NCAM2: variants seen among roughly 807,000 people sequenced by gnomAD.
NCAM2 encodes neural cell adhesion molecule 2.
A neutral mutation model predicts 98.1 loss-of-function variants in NCAM2; 30 were observed. The observed-to-expected ratio is 0.31, with a 90% CI of 0.23 to 0.41. NCAM2 has a LOEUF of 0.41. Ranked by LOEUF, NCAM2 falls within the 10% of genes least tolerant of loss-of-function variation. The pLI, the probability that NCAM2 is intolerant of heterozygous loss-of-function variation, is 1.00. For missense variants in NCAM2, 867 were observed against 1,005.8 expected (o/e 0.86, Z 1.87); for synonymous variants, 368 against 342.4 (o/e 1.07, Z -0.83).
intron 4 of NCAM2, among the ~76,000 whole-genome samples, chr21:21,288,963 T>A (rs2073197359): frequency 6.6e-6 from 1 of 151,876 alleles, no homozygotes; most frequent in South Asian, 2.1e-4. Context: ...AGAAAGGAGA[T>A]CCGTATGCTA....
chr21:21,229,831 A>G (rs970318762), intron 1 of NCAM2, among the ~76,000 whole-genome samples: 8 of 151,412 alleles, frequency 5.3e-5, no homozygotes, highest in Admixed American at 4.0e-4. Context: ...CCAAAAATAT[A>G]TTAGCCATCT....
At chr21:21,283,266 C>A (rs2072989845) in intron 2 of NCAM2, among the ~76,000 whole-genome samples, 1 of 151,894 alleles carries the variant, frequency 6.6e-6, no homozygotes, top group African/African-American at 2.4e-5. Context: ...GAATAATTTT[C>A]TTCAAAGAGG....
intron 1 of NCAM2, among the ~76,000 whole-genome samples, chr21:21,254,947 CTATGTGTG>C (rs2071611727): frequency 7.6e-5 from 4 of 52,310 alleles, no homozygotes; most frequent in South Asian, 2.2e-3. Flanking sequence ...CATAGCATAT[CTATGTGTG>C]TGTGTGTGTG....
At position 21,534,672 on chromosome 21, in the gene NCAM2, T is replaced by C. The variant is rs1460400761; in HGVS notation, c.2402+16T>C. On this transcript the variant is annotated intron_variant, in intron 17 of 17. Coordinates refer to ENST00000400546, the MANE Select transcript of NCAM2 (RefSeq NM_004540.5). ...CAGAACCTGAGTATGTGGCTTGGAGTGCTCACTTATGTTCAAATGGGTATT... is the reference window on the plus strand; with the variant it reads ...CAGAACCTGAGTATGTGGCTTGGAGCGCTCACTTATGTTCAAATGGGTATT... The C allele has an allele frequency of 6.4e-7, 1 of 1,566,442 alleles. No individual in the cohort carries two copies. Among genetic ancestry groups the C allele is most frequent in the Admixed American group, 1.9e-5 (1 of 51,942 alleles).
At chr21:21,314,184 CTTGAGCAAT>C (rs1409648087) in intron 5 of NCAM2, among the ~76,000 whole-genome samples, 2 of 152,022 alleles carry the variant, frequency 1.3e-5, no homozygotes, top group East Asian at 3.9e-4. Flanking sequence ...TAGAAGGCGC[CTTGAGCAAT>C]TCTTTTGTAT....
chr21:21,367,003 G>T (rs1045657373), intron 8 of NCAM2, among the ~76,000 whole-genome samples: 2 of 151,992 alleles, frequency 1.3e-5, no homozygotes, highest in African/African-American at 4.8e-5. Context: ...GAGCAGTGTG[G>T]TTTAATAACA....
At chr21:21,081,666 C>T (rs3922478) in intron 1 of NCAM2, among the ~76,000 whole-genome samples, 3,769 of 151,438 alleles carry the variant, frequency 0.025, 146 homozygotes, top group African/African-American at 0.086. Flanking sequence ...CCAGGCGTGG[C>T]GGTGCGTGCC....
At chr21:21,323,743 C>T (rs1011945908) in intron 5 of NCAM2, among the ~76,000 whole-genome samples, 2 of 152,120 alleles carry the variant, frequency 1.3e-5, no homozygotes, top group African/African-American at 4.8e-5. Context: ...TTGAACAGTT[C>T]ATGAAAATCT....
intron 8 of NCAM2, among the ~76,000 whole-genome samples, chr21:21,352,368 T>A (rs2075365874): frequency 6.6e-6 from 1 of 152,122 alleles, no homozygotes; most frequent in Admixed American, 6.6e-5. Context: ...GCAGTCCACC[T>A]GCCTCAGACT....
chr21:21,328,424 TC>T (rs1004110073), intron 6 of NCAM2, among the ~76,000 whole-genome samples: 1 of 152,098 alleles, frequency 6.6e-6, no homozygotes, highest in Non-Finnish European at 1.5e-5. Flanking sequence ...TAGATAATAT[TC>T]CAGAAGAAAG....
At chr21:21,183,479 G>A (rs2068543570) in intron 1 of NCAM2, among the ~76,000 whole-genome samples, 1 of 152,098 alleles carries the variant, frequency 6.6e-6, no homozygotes, top group African/African-American at 2.4e-5. Context: ...TATTAGTGGG[G>A]GCAGCTAAAT....
At chr21:21,143,327 T>A (rs2067206844) in intron 1 of NCAM2, among the ~76,000 whole-genome samples, 1 of 152,246 alleles carries the variant, frequency 6.6e-6, no homozygotes, top group Non-Finnish European at 1.5e-5. Context: ...TTGAAAATTT[T>A]ATCTATTTTA....
chr21:21,099,334 A>G (rs1369934278), intron 1 of NCAM2, among the ~76,000 whole-genome samples: 1 of 151,924 alleles, frequency 6.6e-6, no homozygotes, highest in East Asian at 1.9e-4. Context: ...GCTTTGTATT[A>G]GTTCATTCTC....
At chr21:21,292,001 A>G in intron 4 of NCAM2, 103 bp from the exon 5 acceptor site, 2 of 1,021,686 alleles carry the variant, frequency 2.0e-6, no homozygotes, top group Non-Finnish European at 1.4e-6. Flanking sequence ...GAAAAGCTTG[A>G]TAGTGTCAGA....
At chr21:21,043,559 T>C (rs2064947124) in intron 1 of NCAM2, among the ~76,000 whole-genome samples, 1 of 151,948 alleles carries the variant, frequency 6.6e-6, no homozygotes, top group Non-Finnish European at 1.5e-5. Flanking sequence ...ACAATGTTAG[T>C]AATTTTTATT....
chr21:21,417,033 A>C (rs2077008714), intron 10 of NCAM2, among the ~76,000 whole-genome samples: 1 of 152,148 alleles, frequency 6.6e-6, no homozygotes, highest in Admixed American at 6.5e-5. Flanking sequence ...ACAACAAAAA[A>C]ATGAATTGAG....
At chr21:21,486,718 A>T (rs1986420128) in intron 15 of NCAM2, among the ~76,000 whole-genome samples, 2 of 152,172 alleles carry the variant, frequency 1.3e-5, no homozygotes, top group African/African-American at 2.4e-5. Flanking sequence ...GTTAGTGCAA[A>T]GTTTATTTAT....
At chr21:21,222,349 C>G (rs1334171776) in intron 1 of NCAM2, among the ~76,000 whole-genome samples, 1 of 152,094 alleles carries the variant, frequency 6.6e-6, no homozygotes. Context: ...AAGGCTGTAG[C>G]TTTTATAGAT....
chr21:21,005,771 C>A (rs1245743513), intron 1 of NCAM2, among the ~76,000 whole-genome samples: 4 of 150,676 alleles, frequency 2.7e-5, no homozygotes, highest in Middle Eastern at 3.4e-3. Flanking sequence ...TTAACACTGG[C>A]ACACCAAAAC....
Sources: gnomAD v4.1 joint callset for allele counts (sites outside exome capture counted in the v4.1 genomes callset) on GRCh38, gnomAD v4.1.1 for gene constraint, MANE v1.5 for transcripts, NCBI Gene and HGNC (gene_info 2026-07-23, HGNC 2026-07-21) for gene names.